The following CATSPERT variants were observed in gnomAD, a reference collection of about 807,000 sequenced individuals.
CATSPERT encodes the protein cation channel sperm-associated targeting subunit tau.
chr2:201,617,189 A>G, the CATSPERT span, among the ~76,000 whole-genome samples: 1 of 152,234 alleles, frequency 6.6e-6, no homozygotes, highest in African/African-American at 2.4e-5. Context: ...GACTTTCTTC[A>G]CAGAATTGGA....
chr2:201,595,447 C>T, the CATSPERT span, among the ~76,000 whole-genome samples: 1 of 152,132 alleles, frequency 6.6e-6, no homozygotes, highest in Non-Finnish European at 1.5e-5. Context: ...CTCGGCCTCC[C>T]AAAGTGCTGG....
At chr2:201,555,033 G>A in the CATSPERT span, 1 of 152,096 alleles carries the variant, frequency 6.6e-6, no homozygotes, top group African/African-American at 2.4e-5. Flanking sequence ...GACTAACAAA[G>A]TACACACAGA....
At chr2:201,521,603 G>C in the CATSPERT span, among the ~76,000 whole-genome samples, 1 of 152,100 alleles carries the variant, frequency 6.6e-6, no homozygotes, top group African/African-American at 2.4e-5. Flanking sequence ...ATTACATTTG[G>C]GTGGGGATGC....
chr2:201,545,629 CAAAAAAAAAAAAAAAAAA>C, the CATSPERT span: 7 of 156,534 alleles, frequency 4.5e-5, 1 homozygote, highest in African/African-American at 1.7e-4. Flanking sequence ...TTCCTAGAAG[CAAAAAAAAAAAAAAAAAA>C]AAAAAAGAAA....
At chr2:201,508,950 C>T in the CATSPERT span, among the ~76,000 whole-genome samples, 5 of 151,164 alleles carry the variant, frequency 3.3e-5, no homozygotes, top group Admixed American at 6.6e-5. Flanking sequence ...CATGGGTGTG[C>T]GAAATTTCTT....
chr2:201,519,659 G>A, the CATSPERT span, among the ~76,000 whole-genome samples: 1 of 151,610 alleles, frequency 6.6e-6, no homozygotes, highest in Non-Finnish European at 1.5e-5. Flanking sequence ...AGAGATAGAT[G>A]TCATTAAAAA....
the CATSPERT span, chr2:201,487,807 T>C: frequency 6.2e-7 from 1 of 1,614,070 alleles, no homozygotes; most frequent in Non-Finnish European, 8.5e-7. Context: ...GGATATCATC[T>C]GAGCTTTTTC....
the CATSPERT span, among the ~76,000 whole-genome samples, chr2:201,598,400 C>T: frequency 6.6e-6 from 1 of 151,816 alleles, no homozygotes; most frequent in African/African-American, 2.4e-5. Flanking sequence ...CCACTATGCT[C>T]AGTCAATCAC....
the CATSPERT span, among the ~76,000 whole-genome samples, chr2:201,603,571 T>C: frequency 6.6e-6 from 1 of 152,246 alleles, no homozygotes; most frequent in African/African-American, 2.4e-5. Flanking sequence ...TTAAATTGTT[T>C]TTATTTGATA....
chr2:201,611,171 G>T, the CATSPERT span, among the ~76,000 whole-genome samples: 1 of 152,088 alleles, frequency 6.6e-6, no homozygotes, highest in Admixed American at 6.5e-5. Flanking sequence ...AAGTCAAATT[G>T]TCCCTATTTG....
chr2:201,535,535 C>A, the CATSPERT span: 1 of 951,436 alleles, frequency 1.1e-6, no homozygotes, highest in Non-Finnish European at 1.3e-6. Context: ...ACTGAAATAA[C>A]TCCTCAGGCT....
At chr2:201,561,061 G>A in the CATSPERT span, among the ~76,000 whole-genome samples, 1 of 152,142 alleles carries the variant, frequency 6.6e-6, no homozygotes. Flanking sequence ...AATTACAGGC[G>A]TGAGCCACCA....
chr2:201,513,281 T>C, the CATSPERT span, among the ~76,000 whole-genome samples: 2 of 151,866 alleles, frequency 1.3e-5, no homozygotes, highest in Non-Finnish European at 2.9e-5. Flanking sequence ...AAGACATGAA[T>C]AGACACTTCT....
the CATSPERT span, among the ~76,000 whole-genome samples, chr2:201,586,497 A>G: frequency 6.6e-6 from 1 of 152,180 alleles, no homozygotes; most frequent in Non-Finnish European, 1.5e-5. Flanking sequence ...TTAACATTAC[A>G]TATATTAACT....
the CATSPERT span, chr2:201,604,557 G>T: frequency 8.3e-7 from 1 of 1,204,976 alleles, no homozygotes; most frequent in South Asian, 1.5e-5. Flanking sequence ...TATACTGTTT[G>T]ATTATCAAAT....
At chr2:201,560,689 A>C in the CATSPERT span, among the ~76,000 whole-genome samples, 1 of 152,094 alleles carries the variant, frequency 6.6e-6, no homozygotes, top group Non-Finnish European at 1.5e-5. Flanking sequence ...AATCACAAGA[A>C]ACTGAATTCT....
chr2:201,545,028 A>C, the CATSPERT span, among the ~76,000 whole-genome samples: 49 of 151,948 alleles, frequency 3.2e-4, no homozygotes, highest in Non-Finnish European at 5.4e-4. Flanking sequence ...TTAAAAATAA[A>C]GCAACATTAA....
At chr2:201,522,212 G>A in the CATSPERT span, among the ~76,000 whole-genome samples, 16 of 152,178 alleles carry the variant, frequency 1.1e-4, no homozygotes, top group Admixed American at 4.6e-4. Flanking sequence ...AAAGGAGGAC[G>A]TCAAATTATC....
chr2:201,585,233 G>A, the CATSPERT span, among the ~76,000 whole-genome samples: 4 of 151,942 alleles, frequency 2.6e-5, no homozygotes, highest in Non-Finnish European at 4.4e-5. Context: ...AGGGCCTGTC[G>A]AGGGGTGGGG....
Sources: gnomAD v4.1 joint callset for allele counts (sites outside exome capture counted in the v4.1 genomes callset) on GRCh38, gnomAD v4.1.1 for gene constraint, MANE v1.5 for transcripts, NCBI Gene and HGNC (gene_info 2026-07-23, HGNC 2026-07-21) for gene names.